Variants in ATP8A2 observed in about 807,000 individuals in gnomAD.
The protein encoded by ATP8A2 is phospholipid-transporting ATPase IB.
In ATP8A2, 100 loss-of-function variants were observed where a neutral mutation model predicts 165.6. That is an observed-to-expected ratio of 0.60 (90% CI 0.51 to 0.71). The LOEUF is 0.71. ATP8A2 is among the 30% of genes least tolerant of loss of function. The pLI is 0.00. For synonymous variants in ATP8A2, 543 were observed against 548.8 expected (o/e 0.99, Z 0.15); for missense variants, 1,227 against 1,479.5 (o/e 0.83, Z 2.80).
At chr13:25,865,403 C>T (rs1407051668) in intron 33 of ATP8A2, among the ~76,000 whole-genome samples, 1 of 152,128 alleles carries the variant, frequency 6.6e-6, no homozygotes, top group Non-Finnish European at 1.5e-5. Context: ...TAATAGCAAA[C>T]AGCATTTCTC....
chr13:25,860,700 C>T lies in ATP8A2; in HGVS notation c.3019-104C>T, dbSNP rs1055370894. 19 of 875,928 alleles carry T rather than the reference C, an allele frequency of 2.2e-5. No homozygotes were observed. The African/African-American group carries it at 2.7e-4, about 12-fold the overall frequency. 54.3% of individuals were successfully genotyped at this position (875,928 alleles called of 1,614,324 possible). On this transcript the variant is annotated intron_variant, in intron 31 of 36. Transcript: ENST00000381655. ...GGCTGGTGCTTTCAAACCGGAGCTG[C>T]CTTGGGGAAGCTAGTTCTGGAGTGG...
chr13:25,834,146 C>T (rs1951547705), intron 28 of ATP8A2, among the ~76,000 whole-genome samples: 1 of 152,104 alleles, frequency 6.6e-6, no homozygotes, highest in Non-Finnish European at 1.5e-5. Context: ...AGATAACCAA[C>T]AATTGTATGA....
At chr13:25,994,438 T>C (rs1956454949) in intron 35 of ATP8A2, among the ~76,000 whole-genome samples, 1 of 152,176 alleles carries the variant, frequency 6.6e-6, no homozygotes, top group Non-Finnish European at 1.5e-5. Context: ...AAAATGGTCA[T>C]CCTTGCCTTG....
chr13:25,768,801 A>G (rs2044551182), intron 25 of ATP8A2, among the ~76,000 whole-genome samples: 1 of 152,158 alleles, frequency 6.6e-6, no homozygotes, highest in Non-Finnish European at 1.5e-5. Flanking sequence ...CACTTAGCAG[A>G]GTGATTACAA....
At chr13:25,741,833 G>C (rs2043919661) in intron 25 of ATP8A2, among the ~76,000 whole-genome samples, 1 of 152,218 alleles carries the variant, frequency 6.6e-6, no homozygotes, top group Non-Finnish European at 1.5e-5. Flanking sequence ...GCCCCTTTTA[G>C]ATGCATGAGC....
At chr13:25,591,731 C>T (rs571620810) in intron 24 of ATP8A2, among the ~76,000 whole-genome samples, 5 of 152,048 alleles carry the variant, frequency 3.3e-5, no homozygotes, top group African/African-American at 9.6e-5. Flanking sequence ...TACAGGCATG[C>T]GCCACCATGC....
Position 25,601,681 on chromosome 13 carries a change from C to T in ATP8A2, c.2211+11982C>T, listed in dbSNP as rs529007626. ...TAGAGACAGGGTTTCACCATGTTGG[C>T]CAGTTGCTGTCGAACTGAACTCAAG... On this transcript the variant is annotated intron_variant, in intron 24 of 36. Transcript: ENST00000381655. Among the ~76,000 whole-genome samples the T allele has an allele frequency of 3.9e-5, 6 of 152,292 alleles. No individual in the cohort carries two copies. The South Asian group carries it at 1.2e-3, about 32-fold the overall frequency.
At chr13:25,582,138 A>G (rs570223282) in intron 23 of ATP8A2, among the ~76,000 whole-genome samples, 181 bp downstream of exon 23, 1 of 152,236 alleles carries the variant, frequency 6.6e-6, no homozygotes, top group Non-Finnish European at 1.5e-5. Context: ...GCCTGTTACA[A>G]ACATTAAAAC....
intron 27 of ATP8A2, among the ~76,000 whole-genome samples, chr13:25,821,511 A>G (rs1951180383): frequency 6.6e-6 from 1 of 152,170 alleles, no homozygotes. Flanking sequence ...ATTCCTTTTT[A>G]TTTGAAAAAG....
intron 27 of ATP8A2, among the ~76,000 whole-genome samples, 165 bp downstream of exon 27, chr13:25,775,124 C>A (rs973040999): frequency 2.6e-5 from 4 of 152,132 alleles, no homozygotes; most frequent in African/African-American, 9.7e-5. Context: ...AAGCTGGGCT[C>A]GCCATTCTGG....
In ATP8A2 at chr13:25,554,672, C is replaced by T. The variant is rs116613916; in HGVS notation, c.1186-319C>T. Among the ~76,000 whole-genome samples, 1,001 of 151,934 alleles carry T rather than the reference C, an allele frequency of 6.6e-3. 11 individuals are homozygous for T. Among genetic ancestry groups the T allele is most frequent in the African/African-American group, 0.023 (949 of 41,422 alleles). Reference sequence around the variant, plus strand: ...CTCTTGGGTTCAAGCGATTCTCATGCGTCAGCCTCCCTGAGTAGCTGGGAT... The same window carrying T: ...CTCTTGGGTTCAAGCGATTCTCATGTGTCAGCCTCCCTGAGTAGCTGGGAT... On this transcript the variant is annotated intron_variant, in intron 12 of 36. Transcript: ENST00000381655.
intron 24 of ATP8A2, among the ~76,000 whole-genome samples, chr13:25,611,550 C>A (rs1049729722): frequency 2.0e-5 from 3 of 151,988 alleles, no homozygotes; most frequent in Non-Finnish European, 4.4e-5. Flanking sequence ...GGTTAGCTAG[C>A]ATTTTGTTAA....
At chr13:25,741,589 T>C (rs1398774828) in intron 25 of ATP8A2, among the ~76,000 whole-genome samples, 1 of 151,934 alleles carries the variant, frequency 6.6e-6, no homozygotes, top group Non-Finnish European at 1.5e-5. Flanking sequence ...GGTCTCACTG[T>C]GTTGTCCAGG....
At chr13:25,896,002 T>A (rs1404751830) in intron 33 of ATP8A2, among the ~76,000 whole-genome samples, 1 of 152,216 alleles carries the variant, frequency 6.6e-6, no homozygotes, top group African/African-American at 2.4e-5. Context: ...ATTCATTGAT[T>A]TTTTGAAGGG....
rs1411430030 is a variant in ATP8A2, at chr13:25,791,877, TTAGA to T, written c.2679+16921_2679+16924del. Among the ~76,000 whole-genome samples, 13 of 152,324 alleles carry T rather than the reference TTAGA, an allele frequency of 8.5e-5. No homozygotes were observed. The East Asian group carries it at 2.3e-3, about 27-fold the overall frequency. On this transcript the variant is annotated intron_variant, in intron 27 of 36. Coordinates refer to ENST00000381655, the MANE Select transcript of ATP8A2 (RefSeq NM_016529.6). ...TGAGTATATTTTCAATCTATAAAGC[TTAGA>T]TAAATTTCGTATATGCTCACCTTTT...
intron 24 of ATP8A2, among the ~76,000 whole-genome samples, chr13:25,616,663 C>T (rs1458061985): frequency 1.3e-5 from 2 of 152,156 alleles, no homozygotes; most frequent in Middle Eastern, 3.2e-3. Flanking sequence ...CTGCTTAGCT[C>T]ATCAGATTCT....
intron 33 of ATP8A2, among the ~76,000 whole-genome samples, chr13:25,932,849 ACTTTT>A (rs1954801271): frequency 6.6e-6 from 1 of 151,620 alleles, no homozygotes; most frequent in Non-Finnish European, 1.5e-5. Context: ...CTGTGCATGA[ACTTTT>A]CTTTTTTTTT....
chr13:25,632,842 G>C (rs4769431), intron 24 of ATP8A2, among the ~76,000 whole-genome samples: 150,582 of 152,236 alleles, frequency 0.99, 74,486 homozygotes, highest in East Asian at 1. Flanking sequence ...CTGCCCTCTT[G>C]CGTGGGAGAA....
chr13:25,384,447 G>A (rs538011055), intron 1 of ATP8A2, among the ~76,000 whole-genome samples: 17 of 152,226 alleles, frequency 1.1e-4, no homozygotes, highest in African/African-American at 4.1e-4. Context: ...TCTAGAATTA[G>A]ACTGCTCTTG....
Sources: allele counts gnomAD v4.1 joint callset (sites outside exome capture counted in the v4.1 genomes callset), GRCh38; gene constraint gnomAD v4.1.1; transcripts MANE v1.5; gene names NCBI Gene and HGNC (gene_info 2026-07-23, HGNC 2026-07-21).